Variants in RP1 observed in about 807,000 individuals in gnomAD.
The protein encoded by RP1 is RP1 axonemal microtubule associated.
Under a neutral mutation model 14.8 loss-of-function variants are expected in RP1, and 16 were observed. That is an observed-to-expected ratio of 1.08 (90% confidence interval 0.73 to 1.65). The LOEUF is 1.65. Ranked by LOEUF, RP1 falls within the 40% of genes most tolerant of loss-of-function variation. The pLI is 0.00. For missense variants in RP1, 2,631 were observed against 2,535.0 expected (o/e 1.04, Z -0.81); for synonymous variants, 876 against 883.6 (o/e 0.99, Z 0.15).
At chr8:54,624,574 C>G in intron 3 of RP1, 96 bp from the exon 4 acceptor site, 3 of 1,214,204 alleles carry the variant, frequency 2.5e-6, no homozygotes, top group Non-Finnish European at 3.6e-6. Flanking sequence ...TTTTCTCTTT[C>G]TTTTTTTGCT....
rs752485908 is a variant in RP1 at position 54,622,157 on chromosome 8, T to C, written c.656T>C (p.Val219Ala). The C allele has an allele frequency of 6.2e-7, 1 of 1,614,200 alleles. No individual in the cohort carries two copies. The highest frequency in any genetic ancestry group is 8.5e-7 in the Non-Finnish European group (1 of 1,180,042). The stretch of plus-strand genomic sequence containing the variant: ...GCAGTGATCCTGAGCTCTGGAGCTG[T>C]GGTGGCGGCAGGAAGGGAGCCATTT... ...LQAVILSSGA[V>A]VAAGREPFKP... is the part of the protein sequence containing the mutation. The change falls in exon 3 of 4, where the codon GTG becomes GCG. Residue 219 changes from valine (V) to alanine (A), a missense_variant. Transcript: ENST00000220676.
intron 1 of RP1, among the ~76,000 whole-genome samples, chr8:54,572,571 A>T (rs1804546744): frequency 6.6e-6 from 1 of 152,236 alleles, no homozygotes; most frequent in African/African-American, 2.4e-5. Context: ...TGTTGAAAGC[A>T]GAAAAGCTCT....
At chr8:54,778,241 T>C (rs570038431) in intron 23 of RP1, among the ~76,000 whole-genome samples, 20 of 152,088 alleles carry the variant, frequency 1.3e-4, no homozygotes, top group African/African-American at 4.3e-4. Context: ...TGTTGAAGTG[T>C]GCCAGGGTCC....
intron 16 of RP1, among the ~76,000 whole-genome samples, chr8:54,724,306 CACTTGTTTT>C (rs1808600736): frequency 1.3e-5 from 2 of 152,120 alleles, no homozygotes; most frequent in African/African-American, 4.8e-5. Flanking sequence ...TGTAAGTTTT[CACTTGTTTT>C]ACTTTTAAAA....
chr8:54,633,150 A>C (rs997650000), downstream of RP1, among the ~76,000 whole-genome samples: 2 of 152,112 alleles, frequency 1.3e-5, no homozygotes, highest in Non-Finnish European at 2.9e-5. Context: ...CATCCCCCAA[A>C]TATTAAACCC....
chr8:54,755,532 C>A, intron 20 of RP1: 2 of 1,300,332 alleles, frequency 1.5e-6, no homozygotes, highest in South Asian at 1.3e-5. Context: ...TTTACTATAG[C>A]CTGAAAACCT....
intron 22 of RP1, among the ~76,000 whole-genome samples, chr8:54,768,971 A>G (rs1229178211): frequency 6.8e-6 from 1 of 147,836 alleles, no homozygotes; most frequent in Non-Finnish European, 1.5e-5. Flanking sequence ...ATCTCAGCTT[A>G]CTGCAAGCTC....
At chr8:54,716,898 G>A (rs1268907567) in intron 15 of RP1, among the ~76,000 whole-genome samples, 1 of 152,150 alleles carries the variant, frequency 6.6e-6, no homozygotes, top group Non-Finnish European at 1.5e-5. Context: ...TAGCCCCTCA[G>A]CTGTTGAGAT....
chr8:54,811,371 A>G (rs543529396), intron 24 of RP1, among the ~76,000 whole-genome samples: 1 of 152,314 alleles, frequency 6.6e-6, no homozygotes, highest in South Asian at 2.1e-4. Context: ...AATTTTAATA[A>G]CAAAATGTAA....
intron 24 of RP1, among the ~76,000 whole-genome samples, chr8:54,791,847 C>T (rs528608357): frequency 2.6e-5 from 4 of 151,958 alleles, no homozygotes; most frequent in East Asian, 1.9e-4. Flanking sequence ...GGCAAAGATA[C>T]GTTTTTAATT....
At chr8:54,731,855 T>G (rs1400662018) in intron 17 of RP1, among the ~76,000 whole-genome samples, 2 of 152,212 alleles carry the variant, frequency 1.3e-5, no homozygotes, top group African/African-American at 4.8e-5. Flanking sequence ...TTTGTATGTT[T>G]GTTCACTGTC....
intron 1 of RP1, among the ~76,000 whole-genome samples, chr8:54,580,108 G>T (rs1449333224): frequency 6.6e-6 from 1 of 151,538 alleles, no homozygotes; most frequent in Non-Finnish European, 1.5e-5. Flanking sequence ...CATTCAACCG[G>T]CTTGAAGCCC....
chr8:54,848,974 C>T (rs899598605), intron 25 of RP1, among the ~76,000 whole-genome samples: 5 of 152,120 alleles, frequency 3.3e-5, no homozygotes, highest in Admixed American at 2.6e-4. Context: ...GTCTTGAACG[C>T]CTGACTTCAA....
At chr8:54,734,552 C>G in exon 18 of RP1, 1 of 1,533,744 alleles carries the variant, frequency 6.5e-7, no homozygotes, top group Non-Finnish European at 8.7e-7. Flanking sequence ...TAGAAGAAAT[C>G]AGACATTTCC....
intron 22 of RP1, among the ~76,000 whole-genome samples, chr8:54,762,417 C>T (rs1809662263): frequency 6.6e-6 from 1 of 152,162 alleles, no homozygotes; most frequent in African/African-American, 2.4e-5. Context: ...TTTCCCTCTT[C>T]AACTGAACAC....
chr8:54,771,832 T>G (rs1809916126), downstream of RP1, among the ~76,000 whole-genome samples: 1 of 152,122 alleles, frequency 6.6e-6, no homozygotes, highest in Admixed American at 6.5e-5. Flanking sequence ...TTAAGCAGTC[T>G]AATCTATTGA....
chr8:54,747,006 C>T (rs1237736540), intron 19 of RP1, among the ~76,000 whole-genome samples: 3 of 152,108 alleles, frequency 2.0e-5, no homozygotes, highest in Admixed American at 1.3e-4. Context: ...ATTTCCCTTC[C>T]CTCCAAAATC....
chr8:54,644,976 T>G (rs1806517316), intron 3 of RP1, among the ~76,000 whole-genome samples: 1 of 152,182 alleles, frequency 6.6e-6, no homozygotes. Context: ...TAAGTTGTAT[T>G]GGGTTAAGAG....
At chr8:54,612,854 C>T (rs931409128), upstream of RP1, among the ~76,000 whole-genome samples, 1 of 152,164 alleles carries the variant, frequency 6.6e-6, no homozygotes, top group African/African-American at 2.4e-5. Context: ...ATCTGAACAC[C>T]ATTTCCCCTG....
Sources: allele counts gnomAD v4.1 joint callset (sites outside exome capture counted in the v4.1 genomes callset), GRCh38; gene constraint gnomAD v4.1.1; transcripts MANE v1.5; gene names NCBI Gene and HGNC (gene_info 2026-07-23, HGNC 2026-07-21).